SKAP2: variants seen among roughly 807,000 people sequenced by gnomAD.
The protein encoded by SKAP2 is src kinase-associated phosphoprotein 2.
Under a neutral mutation model 54.9 loss-of-function variants are expected in SKAP2, and 28 were observed. The ratio of observed to expected loss-of-function variants is 0.51; its 90% CI spans 0.38 to 0.70. The LOEUF (loss-of-function observed/expected upper bound fraction) is 0.70, where lower values mean the gene tolerates loss of function less well. Among genes scored for constraint, SKAP2 ranks in the 30% least tolerant of loss-of-function variants. The probability of loss-of-function intolerance (pLI) is 0.00; values close to 1 mark genes in which losing one functional copy is unlikely to be tolerated. For missense variants in SKAP2, 356 were observed against 424.1 expected (o/e 0.84, Z 1.41); for synonymous variants, 137 against 134.3 (o/e 1.02, Z -0.14).
chr7:26,754,112 C>T (rs1265602489), intron 4 of SKAP2, among the ~76,000 whole-genome samples: 1 of 152,006 alleles, frequency 6.6e-6, no homozygotes, highest in South Asian at 2.1e-4. Flanking sequence ...GTCTGTCATT[C>T]CAGCACTTTG....
At position 26,722,856 on chromosome 7, in the gene SKAP2, A is replaced by G. The variant is rs1418927253; in HGVS notation, c.796+2572T>C. 3.3e-5 allele frequency among the ~76,000 whole-genome samples: 5 copies of G among 152,216 alleles called. 1 individual carries two copies. Among genetic ancestry groups the G allele is most frequent in the African/African-American group, 1.2e-4 (5 of 41,470 alleles). ...GCTTTGTGATTTAAAGTAGCATAAT[A>G]AATGCTTAGATTTCTCTTCAAATAC... On this transcript the variant is annotated intron_variant, in intron 9 of 12. Coordinates refer to ENST00000345317, the MANE Select transcript of SKAP2 (RefSeq NM_003930.5).
intron 4 of SKAP2, among the ~76,000 whole-genome samples, chr7:26,840,645 T>C (rs998129104): frequency 6.6e-6 from 1 of 152,080 alleles, no homozygotes; most frequent in African/African-American, 2.4e-5. Flanking sequence ...AGCCACATGA[T>C]AGCATAAAAC....
intron 4 of SKAP2, among the ~76,000 whole-genome samples, chr7:26,835,725 T>C (rs1392868042): frequency 6.6e-6 from 1 of 152,178 alleles, no homozygotes; most frequent in Non-Finnish European, 1.5e-5. Context: ...TCCATGCTTA[T>C]GGATAGGAAG....
At chr7:26,718,194 T>C (rs907114629) in intron 9 of SKAP2, among the ~76,000 whole-genome samples, 33 of 149,624 alleles carry the variant, frequency 2.2e-4, no homozygotes, top group Non-Finnish European at 4.4e-4. Flanking sequence ...AGAATACTTA[T>C]GAAATGAAAG....
chr7:26,661,642 T>C, the SKAP2 span, among the ~76,000 whole-genome samples: 2 of 152,232 alleles, frequency 1.3e-5, no homozygotes, highest in African/African-American at 2.4e-5. Flanking sequence ...AAAAAATGCA[T>C]TGAAAATTAA....
chr7:26,864,273 G>A lies in SKAP2; in HGVS notation c.67+90C>T, dbSNP rs569172989. On this transcript the variant is annotated intron_variant, in intron 1 of 12. Coordinates refer to ENST00000345317, the MANE Select transcript of SKAP2 (RefSeq NM_003930.5). ...AGACGTGGGAAGCGCGGGGAGGGAG[G>A]ATAAGGGCTCTGAATGCTTCTGTCC... is the stretch of plus-strand genomic sequence containing the variant. The A allele has an allele frequency of 2.2e-5, 33 of 1,503,886 alleles. 1 individual carries two copies. The South Asian group carries it at 3.3e-4, about 15-fold the overall frequency. The allele number at this position is 1,503,886 out of a possible 1,614,324, so 93.2% of individuals were successfully genotyped here.
intron 4 of SKAP2, among the ~76,000 whole-genome samples, chr7:26,762,598 G>A (rs538482558): frequency 8.7e-4 from 133 of 152,054 alleles, no homozygotes; most frequent in African/African-American, 2.9e-3. Flanking sequence ...AGCACTTTGA[G>A]AGGCTGAGGC....
chr7:26,832,995 C>G (rs886220823), intron 4 of SKAP2, among the ~76,000 whole-genome samples: 1 of 152,176 alleles, frequency 6.6e-6, no homozygotes, highest in Non-Finnish European at 1.5e-5. Context: ...CTCTCATTCT[C>G]TAAGCAAGCG....
At chr7:26,764,322 T>C (rs999177315) in intron 4 of SKAP2, among the ~76,000 whole-genome samples, 16 of 152,122 alleles carry the variant, frequency 1.1e-4, no homozygotes, top group African/African-American at 3.9e-4. Context: ...AGTCATTCTC[T>C]ATAGAAGAAG....
Position 26,678,437 on chromosome 7 carries a change from T to C in SKAP2, c.987+6299A>G, listed in dbSNP as rs1786404847. Among the ~76,000 whole-genome samples, 3 of 150,362 alleles carry C rather than the reference T, an allele frequency of 2.0e-5. No individual in the cohort carries two copies. The South Asian group carries it at 6.2e-4, about 31-fold the overall frequency. ...AACATTTTATTACAATTTTAACTGGTTGTTCTTTTTTTTTTTTTTTTTGAG... is the reference window on the plus strand; with the variant it reads ...AACATTTTATTACAATTTTAACTGGCTGTTCTTTTTTTTTTTTTTTTTGAG... On this transcript the variant is annotated intron_variant, in intron 11 of 12. Transcript: ENST00000345317.
intron 4 of SKAP2, among the ~76,000 whole-genome samples, chr7:26,778,839 C>T (rs542003296): frequency 6.6e-6 from 1 of 151,386 alleles, no homozygotes; most frequent in African/African-American, 2.4e-5. Flanking sequence ...AATTTATTTC[C>T]TCTCCAATAT....
intron 11 of SKAP2, among the ~76,000 whole-genome samples, chr7:26,676,111 G>A (rs1786344632): frequency 6.6e-6 from 1 of 151,948 alleles, no homozygotes; most frequent in South Asian, 2.1e-4. Context: ...AGTGCACTTA[G>A]GTACTTAATA....
At chr7:26,678,904 G>A (rs1786420353) in intron 11 of SKAP2, among the ~76,000 whole-genome samples, 1 of 152,004 alleles carries the variant, frequency 6.6e-6, no homozygotes, top group African/African-American at 2.4e-5. Context: ...AAGGGATGAG[G>A]AAGAAGACAT....
chr7:26,804,969 A>G (rs1783996281), intron 4 of SKAP2, among the ~76,000 whole-genome samples: 1 of 152,238 alleles, frequency 6.6e-6, no homozygotes, highest in Admixed American at 6.5e-5. Flanking sequence ...TGAAAAAATT[A>G]AAGTATAAAA....
chr7:26,777,229 T>C (rs1301970140), intron 4 of SKAP2, among the ~76,000 whole-genome samples: 1 of 152,126 alleles, frequency 6.6e-6, no homozygotes, highest in Non-Finnish European at 1.5e-5. Context: ...GACACTCAAA[T>C]ACCCTCCTGA....
At chr7:26,790,548 T>C (rs147124845) in intron 4 of SKAP2, among the ~76,000 whole-genome samples, 13 of 152,316 alleles carry the variant, frequency 8.5e-5, no homozygotes, top group Middle Eastern at 3.4e-3. Context: ...TCAATTACTG[T>C]TGGGATTTAA....
chr7:26,730,632 C>A (rs1473954356), intron 6 of SKAP2, among the ~76,000 whole-genome samples: 1 of 152,126 alleles, frequency 6.6e-6, no homozygotes, highest in East Asian at 1.9e-4. Flanking sequence ...ACACTTTAAC[C>A]TAACCTCTAT....
chr7:26,673,862 T>C (rs1461096961), intron 11 of SKAP2, among the ~76,000 whole-genome samples: 1 of 152,130 alleles, frequency 6.6e-6, no homozygotes, highest in African/African-American at 2.4e-5. Context: ...GGACTAGTTA[T>C]GATAAAGTGA....
chr7:26,702,938 C>T (rs1031547060), intron 9 of SKAP2, among the ~76,000 whole-genome samples: 10 of 152,238 alleles, frequency 6.6e-5, no homozygotes, highest in Admixed American at 2.6e-4. Flanking sequence ...CAGTGGTTAT[C>T]AAACTTCAGC....
Sources: allele counts gnomAD v4.1 joint callset (sites outside exome capture counted in the v4.1 genomes callset), GRCh38; gene constraint gnomAD v4.1.1; transcripts MANE v1.5; gene names NCBI Gene and HGNC (gene_info 2026-07-23, HGNC 2026-07-21).